RPS9: variants seen among roughly 807,000 people sequenced by gnomAD.
The protein encoded by RPS9 is ribosomal protein S9.
In RPS9, 1 loss-of-function variant was observed where a neutral mutation model predicts 16.9. That is an observed-to-expected ratio of 0.06 (90% CI 0.02 to 0.28). RPS9 has a LOEUF of 0.28. RPS9 is among the 10% of genes least tolerant of loss of function. The pLI is 1.00. For missense variants in RPS9, 137 were observed against 273.2 expected (o/e 0.50, Z 3.51); for synonymous variants, 106 against 110.9 (o/e 0.96, Z 0.28).
intron 4 of RPS9, chr19:54,207,107 T>C (rs1189426815): frequency 2.1e-6 from 1 of 479,464 alleles, no homozygotes; most frequent in Non-Finnish European, 3.7e-6. Flanking sequence ...GACTCGGAAC[T>C]TGGGGGCTCT....
chr19:54,200,874 G>A lies in RPS9; in HGVS notation c.-40G>A, dbSNP rs1478822956. ...CTTCCGCGCCTCTTTCTCAGTGACC[G>A]GGTGGTTTGCTTAGGTGAGGTGCGG... On this transcript the variant is annotated 5_prime_UTR_variant, in exon 1 of 5. Transcript: ENST00000302907. 2.7e-6 allele frequency: 3 copies of A among 1,092,170 alleles called. No individual in the cohort carries two copies. The highest frequency in any genetic ancestry group is 7.8e-5 in the East Asian group (1 of 12,806). 67.7% of individuals were successfully genotyped at this position (1,092,170 alleles called of 1,614,324 possible).
rs369076082 is a variant in RPS9 at position 54,201,471 on chromosome 19, C to A, written c.98-16C>A. On this transcript the variant is annotated splice_polypyrimidine_tract_variant and intron_variant, in intron 2 of 4. Coordinates refer to ENST00000302907, the MANE Select transcript of RPS9 (RefSeq NM_001013.4). ...GTACGTGGGACTACACTTGTCCACC[C>A]CCTTCTCCCCACCAGGCGAGTATGG... 7.4e-6 allele frequency: 12 copies of A among 1,613,874 alleles called. No individual in the cohort carries two copies. The highest frequency in any genetic ancestry group is 6.7e-5 in the Admixed American group (4 of 59,980).
chr19:54,206,124 G>C, intron 3 of RPS9, 152 bp from the exon 4 acceptor site: 1 of 705,056 alleles, frequency 1.4e-6, no homozygotes, highest in South Asian at 1.9e-5. Flanking sequence ...CCCGTAGGGT[G>C]GTTTTGACAG....
intron 3 of RPS9, chr19:54,201,823 G>A (rs1043841843): frequency 9.7e-6 from 10 of 1,029,828 alleles, no homozygotes; most frequent in Non-Finnish European, 1.2e-5. Context: ...CCAGTTATTG[G>A]ACCTTCAGTT....
intron 3 of RPS9, among the ~76,000 whole-genome samples, chr19:54,203,665 G>A (rs2147143189): frequency 6.6e-6 from 1 of 152,230 alleles, no homozygotes; most frequent in East Asian, 1.9e-4. Flanking sequence ...CAGCTACTCG[G>A]GAGGCTGAGG....
rs1156824529 is a variant in RPS9, at chr19:54,201,831, G to A, written c.220+222G>A. 5.4e-6 allele frequency: 5 copies of A among 918,702 alleles called. No individual in the cohort carries two copies. The Admixed American group carries it at 1.5e-4, about 27-fold the overall frequency. The allele number at this position is 918,702 out of a possible 1,614,324, so 56.9% of individuals were successfully genotyped here. A position where few individuals can be genotyped will look rare whatever the true frequency, so the allele number is the denominator to read the frequency against. ...TTTTTGCCCAGTTATTGGACCTTCA[G>A]TTTAGTAATGACCAGAGCTAAAGAT... is the stretch of plus-strand genomic sequence containing the variant. On this transcript the variant is annotated intron_variant, in intron 3 of 4. Transcript: ENST00000302907.
intron 4 of RPS9, chr19:54,206,742 C>A: frequency 6.8e-7 from 1 of 1,465,014 alleles, no homozygotes; most frequent in Non-Finnish European, 9.0e-7. Flanking sequence ...CTCTTGGTGT[C>A]CCCAGTGGAG....
At chr19:54,202,275 T>G (rs1268999563) in intron 3 of RPS9, 1 of 245,330 alleles carries the variant, frequency 4.1e-6, no homozygotes, top group Admixed American at 6.5e-5. Context: ...AAACTCCGCC[T>G]CCAGAGTTCA....
intron 4 of RPS9, chr19:54,206,968 C>CGG: frequency 2.2e-6 from 1 of 457,040 alleles, no homozygotes; most frequent in South Asian, 2.8e-5. Context: ...ACCCTGTGAG[C>CGG]CGTAGGCAGA....
chr19:54,205,714 G>A (rs2077217977), intron 3 of RPS9, among the ~76,000 whole-genome samples: 1 of 152,164 alleles, frequency 6.6e-6, no homozygotes, highest in Admixed American at 6.5e-5. Context: ...AATGTGGAGC[G>A]AGGGATGTAT....
chr19:54,200,953 T>G, intron 1 of RPS9, 65 bp downstream of exon 1: 1 of 1,392,008 alleles, frequency 7.2e-7, no homozygotes. Context: ...GCCTTCCGAG[T>G]TTCCATGAGT....
At chr19:54,205,443 A>C (rs1181121682) in intron 3 of RPS9, among the ~76,000 whole-genome samples, 1 of 151,736 alleles carries the variant, frequency 6.6e-6, no homozygotes, top group Non-Finnish European at 1.5e-5. Flanking sequence ...CAGAATAGTA[A>C]AATGAATGAC....
intron 3 of RPS9, chr19:54,202,457 A>G: frequency 1.0e-6 from 1 of 985,396 alleles, no homozygotes; most frequent in Non-Finnish European, 1.2e-6. Flanking sequence ...AAAGGCCTGA[A>G]CAGGAGAGAA....
At chr19:54,201,795 G>T in intron 3 of RPS9, 186 bp downstream of exon 3, 1 of 1,328,816 alleles carries the variant, frequency 7.5e-7, no homozygotes, top group Non-Finnish European at 1.0e-6. Flanking sequence ...CTGTTTCTTA[G>T]GTGTGTGGCT....
At chr19:54,201,891 T>C (rs2147133769) in intron 3 of RPS9, 2 of 483,518 alleles carry the variant, frequency 4.1e-6, no homozygotes, top group Middle Eastern at 5.5e-4. Flanking sequence ...TCTATATCTT[T>C]ATATTCTGTT....
chr19:54,205,958 A>G (rs1315441069), intron 3 of RPS9, among the ~76,000 whole-genome samples: 1 of 152,236 alleles, frequency 6.6e-6, no homozygotes, highest in Non-Finnish European at 1.5e-5. Flanking sequence ...CTGGGATTAC[A>G]GGCAGTGCGC....
At chr19:54,201,838 A>T in intron 3 of RPS9, 31 of 870,170 alleles carry the variant, frequency 3.6e-5, no homozygotes, top group Non-Finnish European at 5.2e-5. Context: ...TCAGTTTAGT[A>T]ATGACCAGAG....
At position 54,206,263 on chromosome 19, in the gene RPS9, C is replaced by T; in HGVS notation, c.221-13C>T. On this transcript the variant is annotated splice_polypyrimidine_tract_variant and intron_variant, in intron 3 of 4. Coordinates refer to ENST00000302907, the MANE Select transcript of RPS9 (RefSeq NM_001013.4). ...CAGAAGGCGGAATCAGTGTTTCCTC[C>T]CACTCTTCCCAGGCAACGCCCTGCT... 1 of 1,609,256 alleles carries T rather than the reference C, an allele frequency of 6.2e-7. No individual in the cohort carries two copies. The highest frequency in any genetic ancestry group is 8.5e-7 in the Non-Finnish European group (1 of 1,176,234).
intron 1 of RPS9, 133 bp from the exon 2 acceptor site, chr19:54,201,027 C>A: frequency 1.4e-6 from 2 of 1,467,398 alleles, no homozygotes. Flanking sequence ...GTTGTGGGGG[C>A]AGATACTGAC....
Sources: allele counts gnomAD v4.1 joint callset (sites outside exome capture counted in the v4.1 genomes callset), GRCh38; gene constraint gnomAD v4.1.1; transcripts MANE v1.5; gene names NCBI Gene and HGNC (gene_info 2026-07-23, HGNC 2026-07-21).